ATF6: variants seen among roughly 807,000 people sequenced by gnomAD.
The protein encoded by ATF6 is cyclic AMP-dependent transcription factor ATF-6 alpha.
ATF6 carries 53 observed loss-of-function variants against 83.6 expected under a neutral mutation model. That is an observed-to-expected ratio of 0.63 (90% CI 0.51 to 0.80). ATF6 has a LOEUF of 0.80. ATF6 is among the 30% of genes least tolerant of loss of function. The pLI is 0.00. For missense variants in ATF6, 744 were observed against 797.9 expected (o/e 0.93, Z 0.81); for synonymous variants, 288 against 285.8 (o/e 1.01, Z -0.08).
In ATF6 at chr1:161,802,095, A is replaced by G. The variant is rs1557968004; in HGVS notation, c.732A>G (p.Gln244=). ...CTCAGCCTACTGTGGTACAACTTCA[A>G]GCACCTGGAGTTCTGCCCTCTGCTC... ...LLSQPTVVQL[Q]APGVLPSAQP... is the part of the protein sequence containing the mutation. Residue 244 remains glutamine (Q), a synonymous_variant, in exon 7 of 16, where the codon CAA becomes CAG. Transcript: ENST00000367942. 3 of 1,614,088 alleles carry G rather than the reference A, an allele frequency of 1.9e-6. No homozygotes were observed. Among genetic ancestry groups the G allele is most frequent in the East Asian group, 2.2e-5 (1 of 44,882 alleles).
chr1:161,832,084 A>G (rs1242957894), intron 9 of ATF6, among the ~76,000 whole-genome samples: 1 of 152,142 alleles, frequency 6.6e-6, no homozygotes, highest in Non-Finnish European at 1.5e-5. Flanking sequence ...AAAATAAACT[A>G]CAGAATCACA....
chr1:161,802,630 G>T (rs1215698510), intron 7 of ATF6, among the ~76,000 whole-genome samples: 1 of 152,084 alleles, frequency 6.6e-6, no homozygotes, highest in Non-Finnish European at 1.5e-5. Flanking sequence ...TTTCCTGATT[G>T]AAATGTTTTA....
chr1:161,906,058 C>T lies in ATF6; in HGVS notation c.1720-6238C>T, dbSNP rs1207751056. The stretch of plus-strand genomic sequence containing the variant: ...CCATGTTAGCCATGATGGTCTTGAT[C>T]TCCTGACCTCATGATCCATCTGCCT... On this transcript the variant is annotated intron_variant, in intron 14 of 15. Coordinates refer to ENST00000367942, the MANE Select transcript of ATF6 (RefSeq NM_007348.4). Among the ~76,000 whole-genome samples the T allele has an allele frequency of 2.0e-5, 3 of 152,142 alleles. No homozygotes were observed. In the East Asian group the frequency reaches 5.8e-4, roughly 29 times the overall value.
chr1:161,824,052 A>G (rs1282497174), intron 9 of ATF6, among the ~76,000 whole-genome samples: 2 of 152,216 alleles, frequency 1.3e-5, no homozygotes, highest in African/African-American at 4.8e-5. Flanking sequence ...GCCTTCCAAA[A>G]AGACTGTATC....
At position 161,959,656 on chromosome 1, in the gene ATF6, C is replaced by A. The variant is rs954929196; in HGVS notation, c.*1002C>A. 1 of 119,096 alleles carries A rather than the reference C, an allele frequency of 8.4e-6. No homozygotes were observed. The highest frequency in any genetic ancestry group is 3.3e-5 in the African/African-American group (1 of 29,878). The allele number at this position is 119,096 out of a possible 1,614,324, so 7.4% of individuals were successfully genotyped here. ...CTGCACTCCAGCCTGGGCGACAGAG[C>A]GAGACTCCGTCTCAAAAAAAAAAAA... On this transcript the variant is annotated 3_prime_UTR_variant, in exon 16 of 16. Transcript: ENST00000367942.
chr1:161,774,437 A>G (rs1684469866), intron 1 of ATF6, among the ~76,000 whole-genome samples: 1 of 151,456 alleles, frequency 6.6e-6, no homozygotes, highest in South Asian at 2.1e-4. Flanking sequence ...ACACACACAC[A>G]TACACACATA....
intron 15 of ATF6, among the ~76,000 whole-genome samples, chr1:161,936,545 A>G (rs1317550439): frequency 6.6e-6 from 1 of 152,100 alleles, no homozygotes; most frequent in Non-Finnish European, 1.5e-5. Flanking sequence ...CTCATCATAT[A>G]TTTGTATGGG....
At chr1:161,921,373 G>A (rs1018666581) in intron 15 of ATF6, among the ~76,000 whole-genome samples, 2 of 152,074 alleles carry the variant, frequency 1.3e-5, no homozygotes, top group African/African-American at 4.8e-5. Flanking sequence ...TATTAATCTG[G>A]CTAAGAATTG....
At chr1:161,898,696 C>T (rs989070284) in intron 14 of ATF6, among the ~76,000 whole-genome samples, 3 of 151,912 alleles carry the variant, frequency 2.0e-5, no homozygotes, top group South Asian at 2.1e-4. Flanking sequence ...TATAGGCGCA[C>T]GCCACCACGC....
intron 15 of ATF6, among the ~76,000 whole-genome samples, chr1:161,940,900 A>G (rs1210075416): frequency 2.0e-5 from 3 of 152,046 alleles, no homozygotes; most frequent in Non-Finnish European, 4.4e-5. Context: ...TCCCCAGGCT[A>G]GGTAGGCACC....
At chr1:161,955,270 T>C (rs1282678679) in intron 15 of ATF6, among the ~76,000 whole-genome samples, 1 of 152,172 alleles carries the variant, frequency 6.6e-6, no homozygotes, top group Non-Finnish European at 1.5e-5. Context: ...CTTCTCTGTT[T>C]CCCCAGTTAA....
intron 6 of ATF6, among the ~76,000 whole-genome samples, chr1:161,801,359 CTTTTTTT>C (rs1170991022): frequency 4.2e-5 from 4 of 95,290 alleles, no homozygotes; most frequent in Admixed American, 1.1e-4. Context: ...TATTTGTAGT[CTTTTTTT>C]TTTTTTTTTT....
At chr1:161,868,408 C>T (rs1479355963) in intron 14 of ATF6, among the ~76,000 whole-genome samples, 1 of 152,014 alleles carries the variant, frequency 6.6e-6, no homozygotes, top group Non-Finnish European at 1.5e-5. Context: ...CTTTTTTCCC[C>T]GTTCTTAGTA....
chr1:161,810,427 G>C (rs149479038), intron 7 of ATF6, among the ~76,000 whole-genome samples: 1 of 152,046 alleles, frequency 6.6e-6, no homozygotes, highest in African/African-American at 2.4e-5. Flanking sequence ...CTCCATGATC[G>C]AATCACCTTT....
At chr1:161,791,309 CTGAAG>C in intron 4 of ATF6, 94 bp from the exon 5 acceptor site, 1 of 983,352 alleles carries the variant, frequency 1.0e-6, no homozygotes, top group Non-Finnish European at 1.5e-6. Context: ...TGAAGTTACC[CTGAAG>C]TGTTTTTCTG....
At chr1:161,833,702 G>T (rs1686134184) in intron 9 of ATF6, among the ~76,000 whole-genome samples, 1 of 152,148 alleles carries the variant, frequency 6.6e-6, no homozygotes, top group South Asian at 2.1e-4. Flanking sequence ...GAGAAGTTTA[G>T]AGAAAAAAGA....
intron 15 of ATF6, among the ~76,000 whole-genome samples, chr1:161,937,117 T>C (rs1007511277): frequency 6.6e-6 from 1 of 152,264 alleles, no homozygotes; most frequent in East Asian, 1.9e-4. Context: ...CATTCTTTAG[T>C]CTTTTTAAAA....
At chr1:161,843,183 A>G (rs916883988) in intron 9 of ATF6, among the ~76,000 whole-genome samples, 11 of 152,148 alleles carry the variant, frequency 7.2e-5, no homozygotes, top group Non-Finnish European at 1.5e-4. Context: ...CTTAACATGC[A>G]CATCTTTGAG....
rs180791997 is a variant in ATF6, at chr1:161,833,510, A to C, written c.1187+12349A>C. ...GCAAAAAAGTTAAAAACTTTGAAAA[A>C]AAAATTAGATGAATGGATAACTAGA... is the stretch of plus-strand genomic sequence containing the variant. On this transcript the variant is annotated intron_variant, in intron 9 of 15. Transcript: ENST00000367942. Among the ~76,000 whole-genome samples the C allele has an allele frequency of 3.3e-3, 501 of 152,276 alleles. 3 individuals are homozygous for C. The highest frequency in any genetic ancestry group is 0.011 in the African/African-American group (459 of 41,550).
Sources: gnomAD v4.1 joint callset for allele counts (sites outside exome capture counted in the v4.1 genomes callset) on GRCh38, gnomAD v4.1.1 for gene constraint, MANE v1.5 for transcripts, NCBI Gene and HGNC (gene_info 2026-07-23, HGNC 2026-07-21) for gene names.